Variants in RABGAP1 observed in about 807,000 individuals in gnomAD.
RABGAP1 encodes the protein RAB GTPase activating protein 1, also known as rab GTPase-activating protein 1.
A neutral mutation model predicts 137.6 loss-of-function variants in RABGAP1; 23 were observed. That is an observed-to-expected ratio of 0.17 (90% CI 0.12 to 0.24). The LOEUF (loss-of-function observed/expected upper bound fraction) is 0.24. Ranked by LOEUF, RABGAP1 falls within the 10% of genes least tolerant of loss-of-function variation. RABGAP1 has a pLI of 1.00. For missense variants in RABGAP1, 906 were observed against 1,275.8 expected (o/e 0.71, Z 4.42); for synonymous variants, 451 against 450.7 (o/e 1.00, Z -0.01).
intron 13 of RABGAP1, among the ~76,000 whole-genome samples, chr9:123,029,928 T>C (rs2032204095): frequency 6.6e-6 from 1 of 152,246 alleles, no homozygotes; most frequent in Admixed American, 6.5e-5. Context: ...AGTCTCTGAA[T>C]AGGTTGGGAG....
intron 13 of RABGAP1, chr9:123,034,966 C>T (rs1202145592): frequency 6.2e-7 from 1 of 1,613,692 alleles, no homozygotes; most frequent in Admixed American, 1.7e-5. Context: ...CATTACTAAA[C>T]CTTTAACCTA....
chr9:123,076,589 T>G, intron 18 of RABGAP1, 45 bp from the exon 19 acceptor site: 2 of 1,560,440 alleles, frequency 1.3e-6, no homozygotes, highest in Non-Finnish European at 1.7e-6. Context: ...TTGTGCATCC[T>G]TATAGCAACA....
intron 13 of RABGAP1, chr9:123,029,340 G>T: frequency 6.6e-6 from 5 of 761,652 alleles, no homozygotes; most frequent in South Asian, 5.0e-5. Context: ...ACTTAATAAA[G>T]TTTTATTTTT....
intron 6 of RABGAP1, among the ~76,000 whole-genome samples, chr9:122,995,725 C>A (rs574671598): frequency 6.6e-6 from 1 of 152,178 alleles, no homozygotes; most frequent in East Asian, 1.9e-4. Context: ...TGTGCCATCA[C>A]ACCCAGCTAA....
chr9:123,050,031 G>T (rs980415960), intron 13 of RABGAP1, among the ~76,000 whole-genome samples: 6 of 152,216 alleles, frequency 3.9e-5, no homozygotes, highest in African/African-American at 1.2e-4. Flanking sequence ...TTTGTGTTCT[G>T]TTGGTTGCAT....
chr9:122,956,831 A>G (rs1292944824), intron 1 of RABGAP1, among the ~76,000 whole-genome samples, 180 bp from the exon 2 acceptor site: 1 of 152,122 alleles, frequency 6.6e-6, no homozygotes, highest in African/African-American at 2.4e-5. Context: ...CTTGAATAGC[A>G]TGAAATTCCC....
intron 24 of RABGAP1, 105 bp downstream of exon 24, chr9:123,099,654 T>TA: frequency 3.2e-6 from 3 of 925,282 alleles, no homozygotes; most frequent in South Asian, 1.5e-5. Flanking sequence ...TGAGAGAATC[T>TA]AAGCAATAAG....
At chr9:122,970,038 T>C (rs920481425) in intron 2 of RABGAP1, among the ~76,000 whole-genome samples, 2 of 151,902 alleles carry the variant, frequency 1.3e-5, no homozygotes, top group South Asian at 4.1e-4. Context: ...TAGCTGAAAT[T>C]ACAGTCATGT....
intron 13 of RABGAP1, among the ~76,000 whole-genome samples, chr9:123,050,103 A>C (rs1318541048): frequency 5.3e-5 from 8 of 152,220 alleles, no homozygotes; most frequent in Admixed American, 4.6e-4. Flanking sequence ...GTCCAACTCC[A>C]GTCTCCACAC....
chr9:123,035,608 C>T, intron 13 of RABGAP1: 1 of 1,578,778 alleles, frequency 6.3e-7, no homozygotes, highest in South Asian at 1.2e-5. Flanking sequence ...TAATGGATGT[C>T]ATATCTGAAG....
chr9:122,948,082 CAA>C (rs1187505176), intron 1 of RABGAP1, among the ~76,000 whole-genome samples: 2 of 139,140 alleles, frequency 1.4e-5, no homozygotes, highest in African/African-American at 5.0e-5. Context: ...CACACACACA[CAA>C]ACTGAAACTA....
rs192254127 is a variant in RABGAP1, at chr9:123,020,312, T to A, written c.1647T>A (p.His549Gln). ...ETWGELLSKW[H>Q]LNLNVRPKQL... is the part of the protein sequence containing the mutation. ...TGGTTTATGGCCTTATTTTTAGGCATCTCAACTTGAATGTGAGACCGAAGC... is the reference window on the plus strand; with the variant it reads ...TGGTTTATGGCCTTATTTTTAGGCAACTCAACTTGAATGTGAGACCGAAGC... The change falls in exon 13 of 26, where the codon CAT becomes CAA. Residue 549 changes from histidine to glutamine, a missense_variant. By Grantham distance (24) the His-to-Gln change is conservative. Transcript: ENST00000373647. The A allele has an allele frequency of 6.5e-7, 1 of 1,541,826 alleles. No homozygotes were observed. Among genetic ancestry groups the A allele is most frequent in the Non-Finnish European group, 8.8e-7 (1 of 1,138,008 alleles).
intron 13 of RABGAP1, among the ~76,000 whole-genome samples, chr9:123,031,328 A>G (rs909987318): frequency 4.6e-5 from 7 of 152,192 alleles, no homozygotes; most frequent in African/African-American, 1.7e-4. Flanking sequence ...CTCAGTAAAT[A>G]TGGTTTAAAA....
chr9:122,942,797 A>T (rs1363156862), intron 1 of RABGAP1, among the ~76,000 whole-genome samples: 1 of 152,096 alleles, frequency 6.6e-6, no homozygotes, highest in South Asian at 2.1e-4. Context: ...TATTGGTAAC[A>T]TTTAAAATTC....
chr9:123,063,433 A>T (rs2034054762), intron 13 of RABGAP1: 1 of 152,698 alleles, frequency 6.5e-6, no homozygotes, highest in South Asian at 2.1e-4. Flanking sequence ...CTAGGAATGG[A>T]ATCACTGGGT....
intron 14 of RABGAP1, among the ~76,000 whole-genome samples, chr9:123,067,373 G>A (rs1257235471): frequency 2.0e-5 from 3 of 152,224 alleles, no homozygotes; most frequent in Non-Finnish European, 4.4e-5. Flanking sequence ...CTGGCCTGTT[G>A]ATTCTTTGCT....
chr9:122,997,321 A>G lies in RABGAP1; in HGVS notation c.1164A>G (p.Lys388=), dbSNP rs1390199400. 6.2e-7 allele frequency: 1 copy of G among 1,611,936 alleles called. No individual in the cohort carries two copies. Among genetic ancestry groups the G allele is most frequent in the Non-Finnish European group, 8.5e-7 (1 of 1,178,962 alleles). Residue 388 remains lysine (K), a synonymous_variant, in exon 9 of 26, where the codon AAA becomes AAG. Transcript: ENST00000373647. ...SYVITGSWNP[K]SPHFQVVNEE... is the part of the protein sequence containing the mutation. ...TTATTACGGGGAGCTGGAATCCAAA[A>G]TCCCCACATTTTCAAGTTGTAAATG...
intron 13 of RABGAP1, among the ~76,000 whole-genome samples, chr9:123,042,589 T>G (rs898468639): frequency 6.6e-6 from 1 of 152,166 alleles, no homozygotes; most frequent in Non-Finnish European, 1.5e-5. Context: ...TATAATAATT[T>G]TTTTGTTTGT....
intron 13 of RABGAP1, among the ~76,000 whole-genome samples, chr9:123,061,667 CA>C (rs756453375): frequency 1.9e-4 from 29 of 152,158 alleles, no homozygotes; most frequent in Non-Finnish European, 3.5e-4. Context: ...AGCCAAAACA[CA>C]AAACCAGTTG....
Sources: allele counts gnomAD v4.1 joint callset (sites outside exome capture counted in the v4.1 genomes callset), GRCh38; gene constraint gnomAD v4.1.1; transcripts MANE v1.5; gene names NCBI Gene and HGNC (gene_info 2026-07-23, HGNC 2026-07-21).